IBA57: variants seen among roughly 807,000 people sequenced by gnomAD.
IBA57 encodes the protein iron-sulfur cluster assembly factor IBA57, mitochondrial.
Under a neutral mutation model 20.4 loss-of-function variants are expected in IBA57, and 20 were observed. That is an observed-to-expected ratio of 0.98 (90% CI 0.69 to 1.42). The LOEUF is 1.42. Among genes scored for constraint, IBA57 ranks in the 40% most tolerant of loss-of-function variants. The pLI is 0.00. For synonymous variants in IBA57, 310 were observed against 233.9 expected (o/e 1.33, Z -2.97); for missense variants, 608 against 499.3 (o/e 1.22, Z -2.07).
chr1:228,170,865 C>T lies in IBA57; in HGVS notation c.342-3827C>T, dbSNP rs1273028636. Among the ~76,000 whole-genome samples the T allele has an allele frequency of 3.9e-5, 6 of 152,100 alleles. No homozygotes were observed. The highest frequency in any genetic ancestry group is 5.9e-5 in the Non-Finnish European group (4 of 68,014). On this transcript the variant is annotated intron_variant, in intron 1 of 2. Coordinates refer to ENST00000366711, the MANE Select transcript of IBA57 (RefSeq NM_001010867.4). The surrounding 1 kb of genome is among the most constrained non-coding windows in gnomAD (Gnocchi z 4.8). Reference sequence around the variant, plus strand: ...GGAGAGAGAAGGGAAGGAGTCAGGCCGGGTCCCAGAGCAGTGTTTTCCTGA... The same window carrying T: ...GGAGAGAGAAGGGAAGGAGTCAGGCTGGGTCCCAGAGCAGTGTTTTCCTGA...
rs1038615451 is a variant in IBA57, at chr1:228,170,591, C to A, written c.342-4101C>A. ...TGCGGGCATGAGCCACCATGCCTGG[C>A]CTCCTTAGGGTCCCTTTCTATCAGT... On this transcript the variant is annotated intron_variant, in intron 1 of 2. Coordinates refer to ENST00000366711, the MANE Select transcript of IBA57 (RefSeq NM_001010867.4). The surrounding 1 kb of genome is among the most constrained non-coding windows in gnomAD (Gnocchi z 4.8). Among the ~76,000 whole-genome samples, 1 of 152,170 alleles carries A rather than the reference C, an allele frequency of 6.6e-6. No homozygotes were observed. The highest frequency in any genetic ancestry group is 2.4e-5 in the African/African-American group (1 of 41,438).
chr1:228,167,357 T>TC (rs1491086244), intron 1 of IBA57, among the ~76,000 whole-genome samples: 261 of 5,392 alleles, frequency 0.048, no homozygotes, highest in Admixed American at 0.062. Context: ...TGGGGCTTCT[T>TC]TTTTTTTTTT....
chr1:228,174,758 G>T lies in IBA57; in HGVS notation c.408G>T (p.Leu136=). 1.2e-6 allele frequency: 2 copies of T among 1,608,780 alleles called. No individual in the cohort carries two copies. The highest frequency in any genetic ancestry group is 1.7e-6 in the Non-Finnish European group (2 of 1,179,240). ...LECDSSVQGA[L]QKHLALYRIR... ...GTGACAGCTCGGTGCAGGGCGCGCTGCAGAAGCACCTCGCGCTATACAGGA... is the reference window on the plus strand; with the variant it reads ...GTGACAGCTCGGTGCAGGGCGCGCTTCAGAAGCACCTCGCGCTATACAGGA... The change falls in exon 2 of 3, where the codon CTG becomes CTT. Residue 136 remains leucine, a synonymous_variant. Coordinates refer to ENST00000366711, the MANE Select transcript of IBA57 (RefSeq NM_001010867.4).
At chr1:228,169,608 T>C (rs965531209) in intron 1 of IBA57, among the ~76,000 whole-genome samples, 2 of 152,150 alleles carry the variant, frequency 1.3e-5, no homozygotes, top group African/African-American at 4.8e-5. Flanking sequence ...GTTCATGAGT[T>C]AGGCAAATGT....
In IBA57 at chr1:228,165,809, T is replaced by A. The variant is rs1312321662; in HGVS notation, c.-8T>A. 2.3e-6 allele frequency: 3 copies of A among 1,293,550 alleles called. No homozygotes were observed. The highest frequency in any genetic ancestry group is 3.1e-5 in the East Asian group (1 of 32,140). 80.1% of individuals were successfully genotyped at this position (1,293,550 alleles called of 1,614,324 possible). A position where few individuals can be genotyped will look rare whatever the true frequency, so the allele number is the denominator to read the frequency against. On this transcript the variant is annotated 5_prime_UTR_variant, in exon 1 of 3. Coordinates refer to ENST00000366711, the MANE Select transcript of IBA57 (RefSeq NM_001010867.4). ...TGGGCCCTTCCCGCTGCCCCACTCT[T>A]GTCCAAGATGGCGACCGCGGCGCTG... is the stretch of plus-strand genomic sequence containing the variant.
In IBA57 at chr1:228,166,029, AG is replaced by A. The variant is rs1162580095; in HGVS notation, c.216del (p.Leu73CysfsTer2). The A allele has an allele frequency of 5.9e-6, 9 of 1,536,918 alleles. No homozygotes were observed. Among genetic ancestry groups the A allele is most frequent in the Non-Finnish European group, 7.8e-6 (9 of 1,147,810 alleles). ...GCCCCGACGCGGCGCCCTTCCTGCT[AG>A]GGCTGCTGACCAATGAACTGCCGCT... ...RGPDAAPFLL[G>X]LLTNELPLPS... On this transcript the variant is annotated frameshift_variant, in exon 1 of 3. Coordinates refer to ENST00000366711, the MANE Select transcript of IBA57 (RefSeq NM_001010867.4). LOFTEE classifies it high-confidence loss of function.
chr1:228,173,202 C>CAACT (rs1178685050), intron 1 of IBA57: 1 of 152,506 alleles, frequency 6.6e-6, no homozygotes, highest in African/African-American at 2.4e-5. Flanking sequence ...AAGCCCTGGG[C>CAACT]AACTGGCAAG....
chr1:228,175,560 G>A lies in IBA57; in HGVS notation c.*47G>A, dbSNP rs990597790. On this transcript the variant is annotated 3_prime_UTR_variant, in exon 3 of 3. Transcript: ENST00000366711. Reference sequence around the variant, plus strand: ...GGCTGATGGGGAGGCTGGGGCCTGGGGCCTTTGGCCTCTGTCCAGGGTCTT... The same window carrying A: ...GGCTGATGGGGAGGCTGGGGCCTGGAGCCTTTGGCCTCTGTCCAGGGTCTT... 6.6e-7 allele frequency: 1 copy of A among 1,517,428 alleles called. No individual in the cohort carries two copies. The highest frequency in any genetic ancestry group is 8.8e-7 in the Non-Finnish European group (1 of 1,134,314). 94.0% of individuals were successfully genotyped at this position (1,517,428 alleles called of 1,614,324 possible). A position where few individuals can be genotyped will look rare whatever the true frequency, so the allele number is the denominator to read the frequency against.
chr1:228,178,523 G>A lies in IBA57; in HGVS notation c.*3010G>A, dbSNP rs1410400409. On this transcript the variant is annotated 3_prime_UTR_variant, in exon 3 of 3. Transcript: ENST00000366711. The stretch of plus-strand genomic sequence containing the variant: ...TTGAGCCCAGGAGGTTGAGGCTGCA[G>A]TGAGCTGTGATTGTGCCACTGCACT... 6.6e-6 allele frequency: 1 copy of A among 152,594 alleles called. No individual in the cohort carries two copies. The highest frequency in any genetic ancestry group is 1.5e-5 in the Non-Finnish European group (1 of 68,350). 9.5% of individuals were successfully genotyped at this position (152,594 alleles called of 1,614,324 possible).
At position 228,174,770 on chromosome 1, in the gene IBA57, C is replaced by G. The variant is rs555630458; in HGVS notation, c.420C>G (p.Leu140=). ...SSVQGALQKH[L]ALYRIRRKVT... ...TGCAGGGCGCGCTGCAGAAGCACCT[C>G]GCGCTATACAGGATCCGGCGGAAGG... Residue 140 remains leucine (L), a synonymous_variant, in exon 2 of 3, where the codon CTC becomes CTG. Transcript: ENST00000366711. 13 of 1,610,156 alleles carry G rather than the reference C, an allele frequency of 8.1e-6. No individual in the cohort carries two copies. In the Admixed American group the frequency reaches 1.0e-4, roughly 12 times the overall value.
chr1:228,168,676 C>G (rs2034885497), intron 1 of IBA57, among the ~76,000 whole-genome samples: 1 of 152,122 alleles, frequency 6.6e-6, no homozygotes, highest in South Asian at 2.1e-4. Flanking sequence ...TGCTGGGTGT[C>G]TGGTGTGTCC....
In IBA57 at chr1:228,178,197, C is replaced by T. The variant is rs2035055953; in HGVS notation, c.*2684C>T. On this transcript the variant is annotated 3_prime_UTR_variant, in exon 3 of 3. Coordinates refer to ENST00000366711, the MANE Select transcript of IBA57 (RefSeq NM_001010867.4). Reference sequence around the variant, plus strand: ...GGCAGCTCCTGGTTATGAGGCAGGACGTGTGGTGTTTGACTGTCTGTTTCT... The same window carrying T: ...GGCAGCTCCTGGTTATGAGGCAGGATGTGTGGTGTTTGACTGTCTGTTTCT... The T allele has an allele frequency of 1.3e-5, 2 of 152,172 alleles. No individual in the cohort carries two copies. Among genetic ancestry groups the T allele is most frequent in the African/African-American group, 2.4e-5 (1 of 41,422 alleles). 9.4% of individuals were successfully genotyped at this position (152,172 alleles called of 1,614,324 possible).
At position 228,181,316 on chromosome 1, in the gene IBA57, A is replaced by G. The variant is rs1215788159; in HGVS notation, c.*5803A>G. On this transcript the variant is annotated 3_prime_UTR_variant, in exon 3 of 3. Coordinates refer to ENST00000366711, the MANE Select transcript of IBA57 (RefSeq NM_001010867.4). ...GAGTCAGCCTCAGGTATTCTCTTGT[A>G]GCAGCACAAATGGAGGCAGACACTT... 1.3e-5 allele frequency: 2 copies of G among 152,254 alleles called. No individual in the cohort carries two copies. The highest frequency in any genetic ancestry group is 2.9e-5 in the Non-Finnish European group (2 of 68,100). The allele number at this position is 152,254 out of a possible 1,614,324, so 9.4% of individuals were successfully genotyped here.
rs74142627 is a variant in IBA57, at chr1:228,178,017, G to A, written c.*2504G>A. On this transcript the variant is annotated 3_prime_UTR_variant, in exon 3 of 3. Coordinates refer to ENST00000366711, the MANE Select transcript of IBA57 (RefSeq NM_001010867.4). Reference sequence around the variant, plus strand: ...AAACATAGGAAGTTCGTGTGTGTGTGTGTGTGTGTGAATTCAAGGCATAAG... The same window carrying A: ...AAACATAGGAAGTTCGTGTGTGTGTATGTGTGTGTGAATTCAAGGCATAAG... 1,182 of 152,386 alleles carry A rather than the reference G, an allele frequency of 7.8e-3. 10 individuals are homozygous for A. The highest frequency in any genetic ancestry group is 0.024 in the African/African-American group (1,001 of 41,536). 9.4% of individuals were successfully genotyped at this position (152,386 alleles called of 1,614,324 possible).
Position 228,174,951 on chromosome 1 carries a change from C to G in IBA57, c.601C>G (p.Gln201Glu). 1.3e-6 allele frequency: 2 copies of G among 1,572,578 alleles called. No homozygotes were observed. The highest frequency in any genetic ancestry group is 1.7e-6 in the Non-Finnish European group (2 of 1,156,034). The stretch of plus-strand genomic sequence containing the variant: ...ACGCATGGGGTGGCGGCTCCTCACC[C>G]AGGATGAAGGCCCAGCCCTGGTGCC... ...TARMGWRLLT[Q>E]DEGPALVPGG... is the part of the protein sequence containing the mutation. The change falls in exon 2 of 3, where the codon CAG becomes GAG. Residue 201 changes from glutamine to glutamate, a missense_variant. Physicochemically the swap from Gln to Glu is conservative, Grantham distance 29 (BLOSUM62 2). Transcript: ENST00000366711.
rs1257794625 is a variant in IBA57, at chr1:228,166,070, C to T, written c.254C>T (p.Ala85Val). 2 of 1,537,200 alleles carry T rather than the reference C, an allele frequency of 1.3e-6. No homozygotes were observed. The highest frequency in any genetic ancestry group is 2.0e-5 in the Admixed American group (1 of 50,562). The part of the protein sequence containing the change: ...TNELPLPSPA[A>V]AGAPPAARAG... ...GAACTGCCGCTTCCGAGTCCTGCGG[C>T]CGCGGGGGCCCCGCCTGCTGCGCGC... is the stretch of plus-strand genomic sequence containing the variant. The change falls in exon 1 of 3, where the codon GCC (alanine) becomes GTC (valine). Residue 85 changes from alanine (A) to valine (V), a missense_variant. Transcript: ENST00000366711.
Position 228,166,123 on chromosome 1 carries a change from C to G in IBA57, c.307C>G (p.Gln103Glu). 6.5e-7 allele frequency: 1 copy of G among 1,534,004 alleles called. No individual in the cohort carries two copies. Among genetic ancestry groups the G allele is most frequent in the Non-Finnish European group, 8.7e-7 (1 of 1,142,980 alleles). Residue 103 changes from glutamine to glutamate, a missense_variant, in exon 1 of 3, where the codon CAG (glutamine) becomes GAG (glutamate). Transcript: ENST00000366711. The part of the protein sequence containing the change: ...RAGYAHFLNV[Q>E]GRTLYDVILY... ...GGGCTACGCCCACTTCCTGAACGTG[C>G]AGGGCCGGACGCTCTATGACGTCAT...
chr1:228,179,050 G>C lies in IBA57; in HGVS notation c.*3537G>C, dbSNP rs1458094125. The C allele has an allele frequency of 6.6e-6, 1 of 152,066 alleles. No individual in the cohort carries two copies. The highest frequency in any genetic ancestry group is 1.5e-5 in the Non-Finnish European group (1 of 68,020). The allele number at this position is 152,066 out of a possible 1,614,324, so 9.4% of individuals were successfully genotyped here. Reference sequence around the variant, plus strand: ...AGCTGGGCCCTTATCTGTAAGGACTGGCTGGCCTGGGAGGGGCAGTCTCCC... The same window carrying C: ...AGCTGGGCCCTTATCTGTAAGGACTCGCTGGCCTGGGAGGGGCAGTCTCCC... On this transcript the variant is annotated 3_prime_UTR_variant, in exon 3 of 3. Coordinates refer to ENST00000366711, the MANE Select transcript of IBA57 (RefSeq NM_001010867.4).
Position 228,165,928 on chromosome 1 carries a change from C to G in IBA57, c.112C>G (p.Pro38Ala). The change falls in exon 1 of 3, where the codon CCT becomes GCT. Residue 38 changes from proline (P) to alanine (A), a missense_variant. Coordinates refer to ENST00000366711, the MANE Select transcript of IBA57 (RefSeq NM_001010867.4). ...CCGCCTGGCCCACAGCTCCTGCAGT[C>G]CTGGTGGCGACCCAACGGCCGGAGC... ...RCRLAHSSCS[P>A]GGDPTAGAAW... 2 of 1,498,348 alleles carry G rather than the reference C, an allele frequency of 1.3e-6. No individual in the cohort carries two copies. Among genetic ancestry groups the G allele is most frequent in the Non-Finnish European group, 1.8e-6 (2 of 1,130,926 alleles). 92.8% of individuals were successfully genotyped at this position (1,498,348 alleles called of 1,614,324 possible).
Sources: gnomAD v4.1 joint callset for allele counts (sites outside exome capture counted in the v4.1 genomes callset) on GRCh38, gnomAD v4.1.1 for gene constraint, Gnocchi (gnomAD v3.1) non-coding constraint, MANE v1.5 for transcripts, NCBI Gene and HGNC (gene_info 2026-07-23, HGNC 2026-07-21) for gene names.